The following BOC variants were observed in gnomAD, a reference collection of about 807,000 sequenced individuals.
BOC encodes brother of CDO.
A neutral mutation model predicts 112.0 loss-of-function variants in BOC; 76 were observed. The ratio of observed to expected loss-of-function variants is 0.68; its 90% CI spans 0.56 to 0.82. BOC has a LOEUF of 0.82. Among genes scored for constraint, BOC ranks in the 40% least tolerant of loss-of-function variants. The probability of loss-of-function intolerance (pLI) is 0.00; values close to 1 mark genes in which losing one functional copy is unlikely to be tolerated. For missense variants in BOC, 1,309 were observed against 1,511.7 expected (o/e 0.87, Z 2.22); for synonymous variants, 580 against 599.8 (o/e 0.97, Z 0.48).
intron 1 of BOC, among the ~76,000 whole-genome samples, chr3:113,215,182 A>AAAT (rs1196150842): frequency 2.0e-5 from 3 of 152,316 alleles, no homozygotes; most frequent in Admixed American, 2.0e-4. Flanking sequence ...AGGTTGACTC[A>AAAT]AATATTTGGG....
At chr3:113,218,954 G>A (rs6438133) in intron 2 of BOC, among the ~76,000 whole-genome samples, 93,622 of 152,080 alleles carry the variant, frequency 0.62, 29,924 homozygotes, top group Middle Eastern at 0.8. Flanking sequence ...CTATAGGTGG[G>A]TTTTGCATTG....
chr3:113,250,845 C>G lies in BOC; in HGVS notation c.376+12C>G. ...TGTGACACTAGCCAGTGAGTCTGCT[C>G]CTTTGCCTCCCTGCCATGGTGCGGT... On this transcript the variant is annotated intron_variant, in intron 4 of 19. Coordinates refer to ENST00000682979, the MANE Select transcript of BOC (RefSeq NM_001378074.1). 6.2e-7 allele frequency: 1 copy of G among 1,612,432 alleles called. No individual in the cohort carries two copies. The highest frequency in any genetic ancestry group is 1.7e-5 in the Admixed American group (1 of 60,014).
chr3:113,253,361 A>AT (rs1945863452), intron 4 of BOC, among the ~76,000 whole-genome samples: 1 of 152,052 alleles, frequency 6.6e-6, no homozygotes, highest in South Asian at 2.1e-4. Context: ...AGTCTGAAGC[A>AT]GGAGGATCAT....
rs554860602 is a variant in BOC, at chr3:113,287,312, A to C, written c.*450A>C. ...CCGGTGCTACGGGAAACATTTTCCT[A>C]AGATGCCCATGAGAACAGACCAAGA... On this transcript the variant is annotated 3_prime_UTR_variant, in exon 20 of 20. Transcript: ENST00000682979. 1 of 307,766 alleles carries C rather than the reference A, an allele frequency of 3.2e-6. No individual in the cohort carries two copies. The highest frequency in any genetic ancestry group is 6.4e-6 in the Non-Finnish European group (1 of 155,782). The allele number at this position is 307,766 out of a possible 1,614,324, so 19.1% of individuals were successfully genotyped here.
At chr3:113,272,105 C>G in intron 6 of BOC, 1 of 447,336 alleles carries the variant, frequency 2.2e-6, no homozygotes, top group East Asian at 3.9e-5. Flanking sequence ...ACTGCCTCTA[C>G]ACTCCCTCAC....
At position 113,286,740 on chromosome 3, in the gene BOC, A is replaced by G. The variant is rs1467614556; in HGVS notation, c.3226A>G (p.Ser1076Gly). Residue 1076 changes from serine (S) to glycine (G), a missense_variant, in exon 20 of 20, where the codon AGT becomes GGT. Transcript: ENST00000682979. ...GGACAGTCCTGACTCCTGCCAAGTG[A>G]GTGGAGGAGACTGGTGTCCCCAGCA... ...EVDSPDSCQV[S>G]GGDWCPQHPV... is the part of the protein sequence containing the mutation. 2 of 1,613,590 alleles carry G rather than the reference A, an allele frequency of 1.2e-6. No individual in the cohort carries two copies. The highest frequency in any genetic ancestry group is 1.7e-6 in the Non-Finnish European group (2 of 1,179,744).
intron 2 of BOC, among the ~76,000 whole-genome samples, chr3:113,234,893 C>T (rs919787148): frequency 6.6e-6 from 1 of 152,192 alleles, no homozygotes; most frequent in African/African-American, 2.4e-5. Context: ...CTTGCTCCCT[C>T]GAGCGCTTCC....
chr3:113,279,781 G>T (rs772208428), intron 12 of BOC, 43 bp from the exon 13 acceptor site: 2 of 1,550,088 alleles, frequency 1.3e-6, no homozygotes, highest in Non-Finnish European at 1.8e-6. Flanking sequence ...GAATCAGAAG[G>T]TATTTCCCAG....
rs897211915 is a variant in BOC at position 113,271,271 on chromosome 3, T to G, written c.667+327T>G. ...CAGGACGGTGGGTCTTGTCTCAAGCTCAGCAGCGGACACAGCATGTGCCTA... is the reference window on the plus strand; with the variant it reads ...CAGGACGGTGGGTCTTGTCTCAAGCGCAGCAGCGGACACAGCATGTGCCTA... On this transcript the variant is annotated intron_variant, in intron 6 of 19. Coordinates refer to ENST00000682979, the MANE Select transcript of BOC (RefSeq NM_001378074.1). The G allele has an allele frequency of 1.5e-5, 8 of 516,222 alleles. No homozygotes were observed. The Admixed American group carries it at 1.6e-4, about 10-fold the overall frequency. The allele number at this position is 516,222 out of a possible 1,614,324, so 32.0% of individuals were successfully genotyped here.
chr3:113,211,359 A>T (rs1211988525), upstream of BOC: 5 of 152,262 alleles, frequency 3.3e-5, no homozygotes, highest in African/African-American at 9.7e-5. Flanking sequence ...GAGGCACAGC[A>T]AAAAGTGGGT....
chr3:113,245,999 A>G (rs1300411363), intron 2 of BOC, among the ~76,000 whole-genome samples: 2 of 152,208 alleles, frequency 1.3e-5, no homozygotes, highest in African/African-American at 2.4e-5. Flanking sequence ...CCTCCTCCTG[A>G]TGATGATCGA....
At position 113,249,688 on chromosome 3, in the gene BOC, A is replaced by G. The variant is rs1005496755; in HGVS notation, c.-81-34A>G. ...CAGGTGCACCCCAGGCATCCTCATCATGGCCATTGCTCTCCCTTTCTCTCT... is the reference window on the plus strand; with the variant it reads ...CAGGTGCACCCCAGGCATCCTCATCGTGGCCATTGCTCTCCCTTTCTCTCT... On this transcript the variant is annotated intron_variant, in intron 2 of 19. Transcript: ENST00000682979. 2.0e-5 allele frequency: 16 copies of G among 815,304 alleles called. No individual in the cohort carries two copies. In the African/African-American group the frequency reaches 2.3e-4, roughly 12 times the overall value. The allele number at this position is 815,304 out of a possible 1,614,324, so 50.5% of individuals were successfully genotyped here.
chr3:113,260,753 G>GAACAGAACAGAACAGAACAGAACAGAACA (rs1559854500), intron 4 of BOC, among the ~76,000 whole-genome samples: 24 of 151,576 alleles, frequency 1.6e-4, no homozygotes, highest in East Asian at 5.8e-4. Flanking sequence ...GAACAGAACA[G>GAACAGAACAGAACAGAACAGAACAGAACA]GTTTTCACCA....
At chr3:113,222,702 CA>C (rs376664693) in intron 2 of BOC, among the ~76,000 whole-genome samples, 8 of 150,480 alleles carry the variant, frequency 5.3e-5, no homozygotes, top group African/African-American at 1.5e-4. Context: ...CTAGGAGACG[CA>C]GGGGGGTGCC....
rs372575491 is a variant in BOC at position 113,249,941 on chromosome 3, G to A, written c.97+42G>A. 2.3e-5 allele frequency: 36 copies of A among 1,542,374 alleles called. No individual in the cohort carries two copies. The African/African-American group carries it at 4.1e-4, about 18-fold the overall frequency. ...CCTTTCCCTGCCCTTACAGTCAAATGGAAACATTCCGCATTCTACAATAAC... is the reference window on the plus strand; with the variant it reads ...CCTTTCCCTGCCCTTACAGTCAAATAGAAACATTCCGCATTCTACAATAAC... On this transcript the variant is annotated intron_variant, in intron 3 of 19. Transcript: ENST00000682979.
chr3:113,251,706 T>C (rs1164569308), intron 4 of BOC: 1 of 152,136 alleles, frequency 6.6e-6, no homozygotes, highest in Admixed American at 6.5e-5. Context: ...GCTTCTAAGG[T>C]CCCTCCCAAC....
chr3:113,242,560 G>A (rs1944440626), intron 2 of BOC, among the ~76,000 whole-genome samples: 1 of 151,942 alleles, frequency 6.6e-6, no homozygotes, highest in Non-Finnish European at 1.5e-5. Flanking sequence ...CTGTATCCTG[G>A]CTCCTTCCCT....
At chr3:113,260,886 C>A (rs977842694) in intron 4 of BOC, among the ~76,000 whole-genome samples, 2 of 152,114 alleles carry the variant, frequency 1.3e-5, no homozygotes, top group Non-Finnish European at 2.9e-5. Context: ...TGAGGTGGAA[C>A]AGTTTTATCC....
chr3:113,233,148 G>GGGGGGTGTGT (rs75678874), intron 2 of BOC, among the ~76,000 whole-genome samples: 11 of 123,960 alleles, frequency 8.9e-5, no homozygotes, highest in African/African-American at 3.4e-4. Context: ...AAAGGATTGG[G>GGGGGGTGTGT]GTGTGTGTGT....
Sources: allele counts gnomAD v4.1 joint callset (sites outside exome capture counted in the v4.1 genomes callset), GRCh38; gene constraint gnomAD v4.1.1; transcripts MANE v1.5; gene names NCBI Gene and HGNC (gene_info 2026-07-23, HGNC 2026-07-21).